The following COPS9 variants were observed in gnomAD, a reference collection of about 807,000 sequenced individuals.
COPS9 encodes the protein COP9 signalosome subunit 9.
A neutral mutation model predicts 7.2 loss-of-function variants in COPS9; 8 were observed. That is an observed-to-expected ratio of 1.11 (90% confidence interval 0.65 to 2.00). COPS9 has a LOEUF of 2.00. COPS9 is among the 30% of genes most tolerant of loss of function. The probability of loss-of-function intolerance (pLI) is 0.00; values close to 1 mark genes in which losing one functional copy is unlikely to be tolerated. For missense variants in COPS9, 74 were observed against 77.7 expected (o/e 0.95, Z 0.18); for synonymous variants, 39 against 28.7 (o/e 1.36, Z -1.14).
At chr2:240,126,818 G>T, downstream of COPS9, 1 of 1,614,116 alleles carries the variant, frequency 6.2e-7, no homozygotes, top group Non-Finnish European at 8.5e-7. Flanking sequence ...TTGCTTTGTT[G>T]GTGCCACACA....
At position 240,133,578 on chromosome 2, in the gene COPS9, G is replaced by A. The variant is rs552570200; in HGVS notation, c.136+355C>T. Among the ~76,000 whole-genome samples the A allele has an allele frequency of 2.6e-3, 403 of 152,348 alleles. 2 individuals are homozygous for A. Among genetic ancestry groups the A allele is most frequent in the African/African-American group, 9.3e-3 (385 of 41,592 alleles). Reference sequence around the variant, plus strand: ...GGAAACCGGCTACCCGGAGAGGGCGGAGACAGGGAGACAGATGGGGTTCCT... The same window carrying A: ...GGAAACCGGCTACCCGGAGAGGGCGAAGACAGGGAGACAGATGGGGTTCCT... On this transcript the variant is annotated intron_variant, in intron 2 of 2. Coordinates refer to ENST00000607357, the MANE Select transcript of COPS9 (RefSeq NM_001163424.2).
At chr2:240,127,243 C>T (rs879704043), downstream of COPS9, among the ~76,000 whole-genome samples, 10 of 150,664 alleles carry the variant, frequency 6.6e-5, no homozygotes, top group Non-Finnish European at 1.0e-4. Context: ...ACCCCCACCC[C>T]TACCAGGAAG....
At position 240,136,225 on chromosome 2, in the gene COPS9, G is replaced by T; in HGVS notation, c.60C>A (p.Asp20Glu). The T allele has an allele frequency of 1.3e-6, 2 of 1,555,326 alleles. No homozygotes were observed. Among genetic ancestry groups the T allele is most frequent in the Non-Finnish European group, 1.7e-6 (2 of 1,154,902 alleles). Residue 20 changes from aspartate to glutamate, a missense_variant, in exon 1 of 3, where the codon GAC becomes GAA. Coordinates refer to ENST00000607357, the MANE Select transcript of COPS9 (RefSeq NM_001163424.2). ...PEGAGPYVDL[D>E]EAGGSTGLLM... ...ACTCCCGCCGGGCCCGTGCCACCTC[G>T]TCCAGGTCCACGTAGGGCCCGGCGC...
At chr2:240,135,298 A>C (rs1405612385) in intron 1 of COPS9, among the ~76,000 whole-genome samples, 1 of 152,146 alleles carries the variant, frequency 6.6e-6, no homozygotes, top group Non-Finnish European at 1.5e-5. Context: ...ATTTGGCCAC[A>C]GAGTCGACTC....
intron 1 of COPS9, among the ~76,000 whole-genome samples, chr2:240,134,493 C>T (rs982927754): frequency 5.3e-5 from 8 of 152,160 alleles, no homozygotes; most frequent in Admixed American, 2.6e-4. Context: ...CACAACTCCA[C>T]GGCAGTGGAA....
chr2:240,136,130 C>A, intron 1 of COPS9, 92 bp downstream of exon 1: 14 of 1,306,128 alleles, frequency 1.1e-5, no homozygotes, highest in Non-Finnish European at 1.3e-5. Context: ...CGCCCGGCCT[C>A]CCCTCCCCGG....
At chr2:240,128,278 T>C (rs370375468), downstream of COPS9, among the ~76,000 whole-genome samples, 11 of 152,186 alleles carry the variant, frequency 7.2e-5, no homozygotes, top group Admixed American at 7.2e-4. Flanking sequence ...AAAGATTTTC[T>C]AGGCCCAAGA....
downstream of COPS9, chr2:240,126,653 C>T: frequency 1.9e-6 from 3 of 1,614,198 alleles, no homozygotes; most frequent in Non-Finnish European, 2.5e-6. Flanking sequence ...AACATTTACC[C>T]CTCCAGTGAG....
At chr2:240,129,015 C>T (rs916629318), downstream of COPS9, among the ~76,000 whole-genome samples, 2 of 152,242 alleles carry the variant, frequency 1.3e-5, no homozygotes, top group Non-Finnish European at 2.9e-5. Context: ...TTCTGGGGCT[C>T]ACAGGCCTTG....
chr2:240,134,063 A>C (rs981927248), intron 1 of COPS9, 58 bp from the exon 2 acceptor site: 23 of 1,509,800 alleles, frequency 1.5e-5, no homozygotes, highest in Non-Finnish European at 2.1e-5. Flanking sequence ...ACAGGTGATA[A>C]GTGCATTGCA....
downstream of COPS9, chr2:240,126,892 C>A (rs1458568921): frequency 6.2e-7 from 1 of 1,614,158 alleles, no homozygotes; most frequent in Non-Finnish European, 8.5e-7. Flanking sequence ...CCTGTGCTCC[C>A]AAACGCTCTG....
rs552428722 is a variant in COPS9, at chr2:240,132,887, A to C, written c.136+1046T>G. On this transcript the variant is annotated intron_variant, in intron 2 of 2. Transcript: ENST00000607357. This position sits in a 1 kb window ranked among gnomAD's most constrained non-coding sequence, Gnocchi z 4.1. ...CCTCGCTCTGGCATAAAGAATTGAA[A>C]TAAATGCTATTCAGTTCTCCAGGCT... is the stretch of plus-strand genomic sequence containing the variant. Among the ~76,000 whole-genome samples the C allele has an allele frequency of 1.1e-4, 16 of 152,244 alleles. No homozygotes were observed. The highest frequency in any genetic ancestry group is 2.4e-4 in the Non-Finnish European group (16 of 68,048).
chr2:240,129,763 C>T (rs115032087), downstream of COPS9: 4,157 of 626,096 alleles, frequency 6.6e-3, 26 homozygotes, highest in African/African-American at 0.028. Flanking sequence ...TGAAAAACCC[C>T]ACCCTCTCCA....
At chr2:240,129,875 C>G (rs544231466), downstream of COPS9, 3 of 1,571,748 alleles carry the variant, frequency 1.9e-6, no homozygotes, top group Admixed American at 5.1e-5. Context: ...AACGTGCGGC[C>G]CAGTGCAGAC....
intron 1 of COPS9, among the ~76,000 whole-genome samples, chr2:240,134,562 T>G (rs2071954824): frequency 6.6e-6 from 1 of 152,114 alleles, no homozygotes; most frequent in Admixed American, 6.5e-5. Flanking sequence ...GGGTCCTGTT[T>G]AGAGTCAACC....
At chr2:240,134,989 G>C (rs1292332650) in intron 1 of COPS9, among the ~76,000 whole-genome samples, 2 of 80,792 alleles carry the variant, frequency 2.5e-5, no homozygotes, top group African/African-American at 2.4e-4. Context: ...CATCGCCTAG[G>C]ACTGTGAAGC....
intron 1 of COPS9, 184 bp from the exon 2 acceptor site, chr2:240,134,189 A>G: frequency 1.7e-6 from 1 of 592,336 alleles, no homozygotes; most frequent in Non-Finnish European, 3.0e-6. Flanking sequence ...AGGAATTCAA[A>G]GGAATGATTT....
chr2:240,131,152 A>C (rs2071918222), intron 2 of COPS9, 64 bp from the exon 3 acceptor site: 2 of 1,537,394 alleles, frequency 1.3e-6, no homozygotes, highest in Non-Finnish European at 1.8e-6. Context: ...AAATCACTTC[A>C]GAATGAATTA....
chr2:240,127,658 G>A (rs1234425688), downstream of COPS9, among the ~76,000 whole-genome samples: 1 of 152,140 alleles, frequency 6.6e-6, no homozygotes, highest in Non-Finnish European at 1.5e-5. Context: ...ATCTGAGAGA[G>A]ACCCCATGCC....
Sources: gnomAD v4.1 joint callset for allele counts (sites outside exome capture counted in the v4.1 genomes callset) on GRCh38, gnomAD v4.1.1 for gene constraint, Gnocchi (gnomAD v3.1) non-coding constraint, MANE v1.5 for transcripts, NCBI Gene and HGNC (gene_info 2026-07-23, HGNC 2026-07-21) for gene names.